Variants in PKIG observed in about 807,000 individuals in gnomAD.
PKIG encodes the protein cAMP-dependent protein kinase inhibitor gamma.
In PKIG, 1 loss-of-function variant was observed where a neutral mutation model predicts 6.8. The observed-to-expected ratio is 0.15, with a 90% CI of 0.05 to 0.69. PKIG has a LOEUF of 0.69. Among genes scored for constraint, PKIG ranks in the 30% least tolerant of loss-of-function variants. The pLI is 0.82. For missense variants in PKIG, 77 were observed against 104.0 expected, an observed-to-expected ratio of 0.74 and a Z score of 1.13; for synonymous variants, 39 against 43.0, an observed-to-expected ratio of 0.91 and a Z score of 0.36.
intron 3 of PKIG, among the ~76,000 whole-genome samples, chr20:44,615,874 G>GCCAC (rs1051644792): frequency 6.6e-6 from 1 of 152,120 alleles, no homozygotes; most frequent in African/African-American, 2.4e-5. Context: ...CTTGCTCTGG[G>GCCAC]CCACCCAGGG....
At chr20:44,566,029 T>C (rs2064807736) in intron 1 of PKIG, among the ~76,000 whole-genome samples, 1 of 152,226 alleles carries the variant, frequency 6.6e-6, no homozygotes, top group African/African-American at 2.4e-5. Context: ...CCCAAAGCAC[T>C]GGGATTACAG....
intron 1 of PKIG, among the ~76,000 whole-genome samples, chr20:44,547,738 C>T (rs780404734): frequency 6.6e-6 from 1 of 152,166 alleles, no homozygotes; most frequent in Non-Finnish European, 1.5e-5. Context: ...GTAATAACAT[C>T]TTAAACATAG....
intron 2 of PKIG, among the ~76,000 whole-genome samples, chr20:44,596,405 G>GTTT (rs1251180605): frequency 1.2e-4 from 19 of 152,304 alleles, no homozygotes; most frequent in African/African-American, 4.3e-4. Flanking sequence ...ACAGGGGGCT[G>GTTT]GCATTCCCAT....
chr20:44,593,971 G>A (rs1474462016), intron 2 of PKIG, among the ~76,000 whole-genome samples: 1 of 152,198 alleles, frequency 6.6e-6, no homozygotes, highest in Non-Finnish European at 1.5e-5. Flanking sequence ...ATAGCATATG[G>A]ATGAGTGCTC....
chr20:44,590,150 A>G (rs1170775773), intron 2 of PKIG, among the ~76,000 whole-genome samples: 1 of 152,048 alleles, frequency 6.6e-6, no homozygotes, highest in Non-Finnish European at 1.5e-5. Context: ...TTTCCCGGCC[A>G]TGTACTTAAG....
At chr20:44,590,350 C>T (rs193077691) in intron 2 of PKIG, among the ~76,000 whole-genome samples, 6 of 152,206 alleles carry the variant, frequency 3.9e-5, no homozygotes, top group African/African-American at 1.2e-4. Flanking sequence ...TGGGTTCGGC[C>T]CAGTAGTCTG....
chr20:44,618,546 C>G lies in PKIG; in HGVS notation c.*182C>G, dbSNP rs1251198005. The G allele has an allele frequency of 7.1e-6, 4 of 565,646 alleles. No homozygotes were observed. In the East Asian group the frequency reaches 1.2e-4, roughly 17 times the overall value. 35.0% of individuals were successfully genotyped at this position (565,646 alleles called of 1,614,324 possible). ...TCCGGGAAAGCCCTCTGCCCACACC[C>G]ACAGGCTTCACATTCCCACCACCTT... is the stretch of plus-strand genomic sequence containing the variant. On this transcript the variant is annotated 3_prime_UTR_variant, in exon 4 of 4. Transcript: ENST00000372886.
chr20:44,537,742 AT>A (rs1236609004), intron 1 of PKIG, among the ~76,000 whole-genome samples: 1,747 of 118,526 alleles, frequency 0.015, 9 homozygotes, highest in Non-Finnish European at 0.023. Context: ...CACACCGGCT[AT>A]TTTTTTTTTT....
At chr20:44,558,598 C>CTTTCTTTCTTTCTTTCTTTCTTTT (rs2064738184) in intron 1 of PKIG, among the ~76,000 whole-genome samples, 1 of 148,340 alleles carries the variant, frequency 6.7e-6, no homozygotes, top group African/African-American at 2.5e-5. Context: ...TTCTTTCTTT[C>CTTTCTTTCTTTCTTTCTTTCTTTT]TTTCTTTCTT....
At chr20:44,612,548 T>C (rs1455343311) in intron 2 of PKIG, among the ~76,000 whole-genome samples, 3 of 152,214 alleles carry the variant, frequency 2.0e-5, no homozygotes, top group Admixed American at 6.5e-5. Flanking sequence ...CAATGAGAGA[T>C]ACTAGTATCC....
intron 2 of PKIG, among the ~76,000 whole-genome samples, chr20:44,604,510 T>A (rs1311810621): frequency 1.3e-5 from 2 of 152,188 alleles, no homozygotes; most frequent in African/African-American, 4.8e-5. Flanking sequence ...ATTAAGGAGA[T>A]ATACAAGTAG....
upstream of PKIG, among the ~76,000 whole-genome samples, chr20:44,578,900 G>A (rs1353659153): frequency 2.6e-5 from 4 of 152,070 alleles, no homozygotes; most frequent in South Asian, 4.1e-4. Flanking sequence ...AACCAGGCAC[G>A]GTGGCTCACA....
intron 2 of PKIG, among the ~76,000 whole-genome samples, chr20:44,602,083 A>G (rs1050269237): frequency 2.0e-5 from 3 of 152,240 alleles, no homozygotes; most frequent in Admixed American, 6.5e-5. Context: ...TGGGCATTCA[A>G]GGTCAATCAC....
chr20:44,579,614 T>A (rs564411929), upstream of PKIG, among the ~76,000 whole-genome samples: 2 of 152,356 alleles, frequency 1.3e-5, no homozygotes, highest in Admixed American at 1.3e-4. Context: ...CATAGAGTGC[T>A]CAGTGCACAG....
chr20:44,615,419 C>G (rs2065255620), intron 3 of PKIG, among the ~76,000 whole-genome samples: 1 of 152,270 alleles, frequency 6.6e-6, no homozygotes, highest in African/African-American at 2.4e-5. Context: ...AGAGGCCTTG[C>G]ATTCTGTTTG....
intron 1 of PKIG, among the ~76,000 whole-genome samples, chr20:44,549,806 C>T (rs2064651414): frequency 6.6e-6 from 1 of 152,096 alleles, no homozygotes. Context: ...GCCTGGGTAA[C>T]AGCATGAGAT....
At chr20:44,611,869 A>G (rs1257373754) in intron 2 of PKIG, among the ~76,000 whole-genome samples, 1 of 151,902 alleles carries the variant, frequency 6.6e-6, no homozygotes. Flanking sequence ...AAAATCATGC[A>G]GTATTTGTGT....
intron 2 of PKIG, among the ~76,000 whole-genome samples, chr20:44,592,644 C>A (rs1032023329): frequency 1.3e-5 from 2 of 152,176 alleles, no homozygotes; most frequent in Non-Finnish European, 2.9e-5. Context: ...GCCAGAAGGC[C>A]ACCCCCTAAT....
At chr20:44,549,791 C>G (rs948090542) in intron 1 of PKIG, among the ~76,000 whole-genome samples, 1 of 152,132 alleles carries the variant, frequency 6.6e-6, no homozygotes, top group South Asian at 2.1e-4. Flanking sequence ...CCCCACTGCA[C>G]CCCAGCCTGG....
Sources: gnomAD v4.1 joint callset for allele counts (sites outside exome capture counted in the v4.1 genomes callset) on GRCh38, gnomAD v4.1.1 for gene constraint, MANE v1.5 for transcripts, NCBI Gene and HGNC (gene_info 2026-07-23, HGNC 2026-07-21) for gene names.